The following ZNF534 variants were observed in gnomAD, a reference collection of about 807,000 sequenced individuals.
ZNF534 encodes zinc finger protein 534.
In ZNF534, 19 loss-of-function variants were observed where a neutral mutation model predicts 13.6. That is an observed-to-expected ratio of 1.40 (90% confidence interval 0.97 to 2.05). ZNF534 has a LOEUF of 2.05. Ranked by LOEUF, ZNF534 falls within the 30% of genes most tolerant of loss-of-function variation. The probability of loss-of-function intolerance (pLI) is 0.00; values close to 1 mark genes in which losing one functional copy is unlikely to be tolerated. For missense variants in ZNF534, 782 were observed against 796.3 expected (o/e 0.98, Z 0.22); for synonymous variants, 244 against 273.8 (o/e 0.89, Z 1.07).
intron 4 of ZNF534, among the ~76,000 whole-genome samples, chr19:52,448,379 T>TA (rs1328148180): frequency 6.7e-6 from 1 of 149,622 alleles, no homozygotes; most frequent in Non-Finnish European, 1.5e-5. Context: ...GCCTGGGCAA[T>TA]AGAGCAAGAC....
intron 4 of ZNF534, among the ~76,000 whole-genome samples, chr19:52,437,381 G>A (rs946301997): frequency 1.8e-4 from 28 of 152,114 alleles, no homozygotes; most frequent in Admixed American, 5.9e-4. Flanking sequence ...CGCTTTGGGC[G>A]GCTGAGGCAG....
Position 52,434,593 on chromosome 19 carries a change from T to C in ZNF534, c.143-488T>C, listed in dbSNP as rs1026790010. Reference sequence around the variant, plus strand: ...TAAAAATACAAAGATTAGTTAGGCATGGTGGTACATGCCTGTAGTCCCAGC... The same window carrying C: ...TAAAAATACAAAGATTAGTTAGGCACGGTGGTACATGCCTGTAGTCCCAGC... On this transcript the variant is annotated intron_variant, in intron 3 of 4. Transcript: ENST00000433050. Among the ~76,000 whole-genome samples the C allele has an allele frequency of 5.0e-4, 75 of 150,338 alleles. 2 individuals are homozygous for C. The highest frequency in any genetic ancestry group is 1.2e-4 in the Non-Finnish European group (8 of 67,662).
chr19:52,446,054 A>T (rs1015134090), downstream of ZNF534, among the ~76,000 whole-genome samples: 2 of 152,206 alleles, frequency 1.3e-5, no homozygotes, highest in African/African-American at 4.8e-5. Flanking sequence ...GTTCCTTTAA[A>T]TCTTTAATTC....
chr19:52,450,433 C>T (rs2059209014), intron 4 of ZNF534, among the ~76,000 whole-genome samples: 1 of 151,836 alleles, frequency 6.6e-6, no homozygotes, highest in Non-Finnish European at 1.5e-5. Context: ...GTCTTTTTTC[C>T]CAATGTATAT....
At chr19:52,443,789 A>G (rs2059184935), downstream of ZNF534, among the ~76,000 whole-genome samples, 1 of 151,796 alleles carries the variant, frequency 6.6e-6, no homozygotes, top group Non-Finnish European at 1.5e-5. Flanking sequence ...TTGAGCTCTG[A>G]AATTCTTTCT....
chr19:52,448,809 T>C (rs2059202930), intron 4 of ZNF534, among the ~76,000 whole-genome samples: 1 of 152,238 alleles, frequency 6.6e-6, no homozygotes, highest in African/African-American at 2.4e-5. Flanking sequence ...TAGATAATGA[T>C]CAAATCAGGA....
In ZNF534 at chr19:52,441,612, G is replaced by A. The variant is rs116681907; in HGVS notation, c.*2166G>A. On this transcript the variant is annotated 3_prime_UTR_variant, in exon 5 of 5. Transcript: ENST00000433050. ...TGCAGAGAAGCCTTACAAATGCAGC[G>A]AATGTGACAAAGCATTTAGATAATG... is the stretch of plus-strand genomic sequence containing the variant. Among the ~76,000 whole-genome samples, 1,303 of 152,266 alleles carry A rather than the reference G, an allele frequency of 8.6e-3. 21 individuals carry two copies. Among genetic ancestry groups the A allele is most frequent in the African/African-American group, 0.03 (1,242 of 41,548 alleles).
In ZNF534 at chr19:52,435,037, T is replaced by C. The variant is rs768191109; in HGVS notation, c.143-44T>C. The C allele has an allele frequency of 1.4e-5, 23 of 1,592,244 alleles. No homozygotes were observed. In the South Asian group the frequency reaches 2.7e-4, roughly 18 times the overall value. ...CTACCTAAATATAGGGCTTGGACTTTGGAGATGCCACAGCACACATTTATT... is the reference window on the plus strand; with the variant it reads ...CTACCTAAATATAGGGCTTGGACTTCGGAGATGCCACAGCACACATTTATT... On this transcript the variant is annotated intron_variant, in intron 3 of 4. Coordinates refer to ENST00000433050, the MANE Select transcript of ZNF534 (RefSeq NM_001143938.3).
intron 4 of ZNF534, among the ~76,000 whole-genome samples, chr19:52,447,587 T>G (rs922629637): frequency 6.6e-6 from 1 of 152,136 alleles, no homozygotes; most frequent in South Asian, 2.1e-4. Flanking sequence ...CATAGACAAG[T>G]GTTGAATTTT....
intron 1 of ZNF534, among the ~76,000 whole-genome samples, chr19:52,430,021 T>G (rs201468058): frequency 0.15 from 22,341 of 149,190 alleles, 2,428 homozygotes; most frequent in African/African-American, 0.31. Context: ...CAATTTTTTT[T>G]TTGGGTTTTT....
chr19:52,439,402 A>C lies in ZNF534; in HGVS notation c.1942A>C (p.Ile648Leu). The C allele has an allele frequency of 6.5e-7, 1 of 1,548,076 alleles. No individual in the cohort carries two copies. Among genetic ancestry groups the C allele is most frequent in the Non-Finnish European group, 8.7e-7 (1 of 1,144,904 alleles). Residue 648 changes from isoleucine to leucine, a missense_variant, in exon 5 of 5, where the codon ATC (isoleucine) becomes CTC (leucine). This residue lies in a region of ZNF534 where 60 missense variants were observed against 59.9 expected (regional missense o/e 1.00). Transcript: ENST00000433050. ...TGGCAAGGTCTTTAGTAAAAATTCC[A>C]TCCTAGTACAACATTGCAGTATTCA... ...ECGKVFSKNS[I>L]LVQHCSIHTR...
In ZNF534 at chr19:52,438,567, T is replaced by C. The variant is rs1363983354; in HGVS notation, c.1107T>C (p.Leu369=). The stretch of plus-strand genomic sequence containing the variant: ...AGGGGTTTAGTCGAATTGCATTCCT[T>C]GCAAGGCATCGGAAAGTTCATACTG... The part of the protein sequence containing the change: ...CGKGFSRIAF[L]ARHRKVHTGE... The change falls in exon 5 of 5, where the codon CTT becomes CTC. Residue 369 remains leucine (L), a synonymous_variant. Transcript: ENST00000433050. 6.3e-7 allele frequency: 1 copy of C among 1,581,200 alleles called. No individual in the cohort carries two copies.
chr19:52,430,097 C>CCAA (rs2059077445), intron 1 of ZNF534, among the ~76,000 whole-genome samples: 1 of 151,808 alleles, frequency 6.6e-6, no homozygotes, highest in Non-Finnish European at 1.5e-5. Context: ...CTGACTGCAA[C>CCAA]CTCTGTCTCC....
intron 4 of ZNF534, among the ~76,000 whole-genome samples, chr19:52,436,866 T>G (rs1007123072): frequency 6.6e-6 from 1 of 152,182 alleles, no homozygotes; most frequent in Admixed American, 6.5e-5. Context: ...TAGTTTTCTA[T>G]TTCTGTTATC....
chr19:52,449,639 C>T (rs2059206109), intron 4 of ZNF534, among the ~76,000 whole-genome samples: 1 of 152,136 alleles, frequency 6.6e-6, no homozygotes. Context: ...TGATGTTGAG[C>T]ATTTTTTCAT....
In ZNF534 at chr19:52,439,470, G is replaced by T. The variant is rs142970070; in HGVS notation, c.*24G>T. ...AAAAATTTAGTGAAGCTGGCAGGGC[G>T]CAGTGGCTCACGTCTGTAATCCCAG... On this transcript the variant is annotated 3_prime_UTR_variant, in exon 5 of 5. Coordinates refer to ENST00000433050, the MANE Select transcript of ZNF534 (RefSeq NM_001143938.3). The T allele has an allele frequency of 6.0e-6, 9 of 1,495,308 alleles. No homozygotes were observed. The highest frequency in any genetic ancestry group is 8.9e-7 in the Non-Finnish European group (1 of 1,120,940). 92.6% of individuals were successfully genotyped at this position (1,495,308 alleles called of 1,614,324 possible).
At position 52,441,927 on chromosome 19, in the gene ZNF534, G is replaced by T. The variant is rs1393608867; in HGVS notation, c.*2481G>T. ...AAAGAGTCCTTACAAGCTGTGTACG[G>T]AAAGCTCGTCATGAGTTTTAGCATT... On this transcript the variant is annotated 3_prime_UTR_variant, in exon 5 of 5. Coordinates refer to ENST00000433050, the MANE Select transcript of ZNF534 (RefSeq NM_001143938.3). 6.6e-6 allele frequency among the ~76,000 whole-genome samples: 1 copy of T among 152,176 alleles called. No homozygotes were observed. The highest frequency in any genetic ancestry group is 1.9e-4 in the East Asian group (1 of 5,190).
chr19:52,434,825 G>A (rs1425034417), intron 3 of ZNF534, among the ~76,000 whole-genome samples: 1 of 151,918 alleles, frequency 6.6e-6, no homozygotes, highest in East Asian at 1.9e-4. Flanking sequence ...AAGTGTGCAT[G>A]AAACCTTATG....
chr19:52,447,398 G>C (rs1247556947), downstream of ZNF534, among the ~76,000 whole-genome samples: 1 of 152,070 alleles, frequency 6.6e-6, no homozygotes, highest in Admixed American at 6.6e-5. Flanking sequence ...ATTTCTAATG[G>C]TATGGCAAAA....
Sources: allele counts gnomAD v4.1 joint callset (sites outside exome capture counted in the v4.1 genomes callset), GRCh38; gene constraint gnomAD v4.1.1; regional missense constraint gnomAD v4.1.1; transcripts MANE v1.5; gene names NCBI Gene and HGNC (gene_info 2026-07-23, HGNC 2026-07-21).